The following KCNH1 variants were observed in gnomAD, a reference collection of about 807,000 sequenced individuals.
KCNH1 encodes the protein potassium voltage-gated channel subfamily H member 1, also known as voltage-gated delayed rectifier potassium channel KCNH1.
A neutral mutation model predicts 69.2 loss-of-function variants in KCNH1; 27 were observed. The observed-to-expected ratio is 0.39, with a 90% confidence interval of 0.29 to 0.54. The LOEUF (loss-of-function observed/expected upper bound fraction) is 0.54. Ranked by LOEUF, KCNH1 falls within the 20% of genes least tolerant of loss-of-function variation. The probability of loss-of-function intolerance (pLI) is 0.68; values close to 1 mark genes in which losing one functional copy is unlikely to be tolerated. For missense variants in KCNH1, 798 were observed against 1,261.6 expected, an observed-to-expected ratio of 0.63 and a Z score of 5.57; for synonymous variants, 456 against 487.7, an observed-to-expected ratio of 0.93 and a Z score of 0.86.
At chr1:210,855,670 A>G (rs1293733115) in intron 7 of KCNH1, among the ~76,000 whole-genome samples, 2 of 152,156 alleles carry the variant, frequency 1.3e-5, no homozygotes, top group African/African-American at 4.8e-5. Flanking sequence ...CTCATGTGCT[A>G]TTTGGGGTCA....
chr1:210,769,458 GTCCCAGC>G (rs1683708275), intron 10 of KCNH1, among the ~76,000 whole-genome samples: 2 of 152,148 alleles, frequency 1.3e-5, no homozygotes, highest in Non-Finnish European at 2.9e-5. Flanking sequence ...AGTAACTATA[GTCCCAGC>G]TCCCTCCCAA....
intron 10 of KCNH1, among the ~76,000 whole-genome samples, chr1:210,758,297 T>A (rs1430891428): frequency 2.6e-5 from 4 of 152,098 alleles, no homozygotes; most frequent in Non-Finnish European, 5.9e-5. Flanking sequence ...CAGAACTGAG[T>A]GGCAAGTGTG....
At chr1:210,955,791 G>A (rs1688161832) in intron 6 of KCNH1, among the ~76,000 whole-genome samples, 1 of 152,172 alleles carries the variant, frequency 6.6e-6, no homozygotes, top group South Asian at 2.1e-4. Context: ...ATCGGCTTAA[G>A]GAGATTTTGG....
intron 6 of KCNH1, among the ~76,000 whole-genome samples, chr1:210,972,993 T>A (rs919222237): frequency 2.0e-5 from 3 of 151,756 alleles, no homozygotes; most frequent in African/African-American, 7.3e-5. Context: ...CCCTTTGTCA[T>A]GAGGCATCCA....
intron 6 of KCNH1, among the ~76,000 whole-genome samples, chr1:211,008,469 A>C (rs1689326506): frequency 6.6e-6 from 1 of 152,240 alleles, no homozygotes; most frequent in South Asian, 2.1e-4. Flanking sequence ...CAACTGAAAC[A>C]ATTAATACTA....
intron 6 of KCNH1, among the ~76,000 whole-genome samples, chr1:210,991,026 T>C (rs1367467097): frequency 1.3e-5 from 2 of 152,064 alleles, no homozygotes; most frequent in Non-Finnish European, 2.9e-5. Flanking sequence ...TAAAATGATA[T>C]AAAATGAATT....
chr1:211,048,299 A>T (rs4311946), intron 5 of KCNH1, among the ~76,000 whole-genome samples: 27,436 of 152,094 alleles, frequency 0.18, 2,801 homozygotes, highest in Non-Finnish European at 0.23. Flanking sequence ...CTAAAAGTAG[A>T]TCTACCATTT....
intron 10 of KCNH1, among the ~76,000 whole-genome samples, chr1:210,705,297 T>C (rs531118594): frequency 1.1e-4 from 16 of 152,254 alleles, no homozygotes; most frequent in Admixed American, 3.3e-4. Flanking sequence ...AGCCCCTGAG[T>C]TGCTGACAAA....
intron 5 of KCNH1, among the ~76,000 whole-genome samples, chr1:211,029,106 T>C (rs947227629): frequency 1.4e-5 from 2 of 143,594 alleles, no homozygotes; most frequent in Non-Finnish European, 3.0e-5. Flanking sequence ...TGAGGTAAGA[T>C]GATGTTTGAG....
intron 3 of KCNH1, among the ~76,000 whole-genome samples, chr1:211,098,985 C>A (rs1691207403): frequency 6.6e-6 from 1 of 152,152 alleles, no homozygotes; most frequent in Non-Finnish European, 1.5e-5. Flanking sequence ...CAGCAATTCT[C>A]AACTTCTAGG....
intron 10 of KCNH1, among the ~76,000 whole-genome samples, chr1:210,734,416 A>T (rs1231954723): frequency 6.6e-6 from 1 of 152,200 alleles, no homozygotes; most frequent in Non-Finnish European, 1.5e-5. Flanking sequence ...TACAGGGAGC[A>T]AGAGAGAAAA....
intron 1 of KCNH1, among the ~76,000 whole-genome samples, chr1:211,121,960 C>T (rs937037830): frequency 6.6e-6 from 1 of 152,022 alleles, no homozygotes; most frequent in Non-Finnish European, 1.5e-5. Flanking sequence ...ACGGTGAAAC[C>T]CCGTCTCTAC....
chr1:211,124,301 A>G (rs1691739330), intron 1 of KCNH1, among the ~76,000 whole-genome samples: 1 of 152,206 alleles, frequency 6.6e-6, no homozygotes, highest in African/African-American at 2.4e-5. Context: ...TGAAAGGAGT[A>G]CCTAAGTGCA....
chr1:210,941,471 G>T (rs543374655), intron 6 of KCNH1, among the ~76,000 whole-genome samples: 29 of 152,270 alleles, frequency 1.9e-4, no homozygotes, highest in African/African-American at 7.0e-4. Flanking sequence ...GGAGTTTGGG[G>T]AGCCTGGTAT....
At chr1:210,731,494 G>A (rs1682745512) in intron 10 of KCNH1, among the ~76,000 whole-genome samples, 1 of 151,824 alleles carries the variant, frequency 6.6e-6, no homozygotes, top group Non-Finnish European at 1.5e-5. Flanking sequence ...TATTTACAGA[G>A]GCTTAAATAA....
At chr1:210,686,843 T>C (rs1245195420) in intron 10 of KCNH1, among the ~76,000 whole-genome samples, 3 of 152,242 alleles carry the variant, frequency 2.0e-5, no homozygotes, top group Admixed American at 6.5e-5. Flanking sequence ...ACTGTATTTT[T>C]TACTTTTTAA....
chr1:210,948,271 C>T (rs1687996789), intron 6 of KCNH1, among the ~76,000 whole-genome samples: 1 of 151,112 alleles, frequency 6.6e-6, no homozygotes, highest in Admixed American at 6.6e-5. Flanking sequence ...GAAATACATG[C>T]TCATTAAAAT....
intron 2 of KCNH1, among the ~76,000 whole-genome samples, chr1:211,104,118 A>G (rs1281605971): frequency 1.3e-5 from 2 of 152,250 alleles, no homozygotes; most frequent in African/African-American, 4.8e-5. Flanking sequence ...TATGATTGAA[A>G]TATAGACAAT....
chr1:210,747,594 A>T (rs773696704), intron 10 of KCNH1, among the ~76,000 whole-genome samples: 1 of 151,794 alleles, frequency 6.6e-6, no homozygotes, highest in Non-Finnish European at 1.5e-5. Flanking sequence ...ACTTGGGAAG[A>T]TATTAAGCTC....
Sources: gnomAD v4.1 joint callset for allele counts (sites outside exome capture counted in the v4.1 genomes callset) on GRCh38, gnomAD v4.1.1 for gene constraint, MANE v1.5 for transcripts, NCBI Gene and HGNC (gene_info 2026-07-23, HGNC 2026-07-21) for gene names.